RAB1A: variants seen among roughly 807,000 people sequenced by gnomAD.
RAB1A encodes RAB1A, member RAS oncogene family.
Under a neutral mutation model 26.0 loss-of-function variants are expected in RAB1A, and 2 were observed. The ratio of observed to expected loss-of-function variants is 0.08; its 90% CI spans 0.03 to 0.24. RAB1A has a LOEUF of 0.24. Among genes scored for constraint, RAB1A ranks in the 10% least tolerant of loss-of-function variants. The pLI, the probability that RAB1A is intolerant of heterozygous loss-of-function variation, is 1.00. For missense variants in RAB1A, 100 were observed against 247.0 expected (o/e 0.40, Z 3.99); for synonymous variants, 84 against 84.9 (o/e 0.99, Z 0.06).
intron 1 of RAB1A, among the ~76,000 whole-genome samples, chr2:65,127,980 C>A (rs185632817): frequency 7.6e-4 from 116 of 152,226 alleles, no homozygotes; most frequent in Middle Eastern, 6.8e-3. Context: ...GGGATCCGCC[C>A]GCCTCGGCCT....
At chr2:65,091,160 T>C (rs370147461) in intron 3 of RAB1A, 82 bp from the exon 4 acceptor site, 1 of 1,049,704 alleles carries the variant, frequency 9.5e-7, no homozygotes. Context: ...GGAAATAGTT[T>C]AGTTTTCATA....
intron 1 of RAB1A, among the ~76,000 whole-genome samples, chr2:65,128,383 C>A (rs1451264040): frequency 2.6e-5 from 4 of 151,998 alleles, no homozygotes; most frequent in Non-Finnish European, 4.4e-5. Flanking sequence ...TTATTGTTAC[C>A]AAGAAAACTA....
chr2:65,093,060 A>G (rs1189487134), intron 3 of RAB1A, among the ~76,000 whole-genome samples: 3 of 152,172 alleles, frequency 2.0e-5, no homozygotes, highest in African/African-American at 7.2e-5. Context: ...TTTTTTTAAT[A>G]AATCACCCAG....
intron 1 of RAB1A, among the ~76,000 whole-genome samples, chr2:65,123,144 T>C (rs183508153): frequency 4.0e-5 from 6 of 151,632 alleles, no homozygotes; most frequent in African/African-American, 9.7e-5. Flanking sequence ...AAGGTGAATA[T>C]AGCAGGATGT....
chr2:65,110,112 G>A (rs992178304), intron 1 of RAB1A, among the ~76,000 whole-genome samples: 3 of 152,082 alleles, frequency 2.0e-5, no homozygotes, highest in Non-Finnish European at 2.9e-5. Flanking sequence ...CAAAATATTA[G>A]GGGGAAAAAA....
At chr2:65,100,835 A>G (rs1013213683) in intron 2 of RAB1A, among the ~76,000 whole-genome samples, 5 of 151,114 alleles carry the variant, frequency 3.3e-5, no homozygotes, top group Non-Finnish European at 7.4e-5. Flanking sequence ...TCTATCCCCC[A>G]GGTACTTGGA....
chr2:65,100,933 C>T (rs1213640177), intron 2 of RAB1A, among the ~76,000 whole-genome samples: 1 of 151,394 alleles, frequency 6.6e-6, no homozygotes, highest in Non-Finnish European at 1.5e-5. Flanking sequence ...ATCACTTGAG[C>T]TCAGGAGTTG....
intron 1 of RAB1A, among the ~76,000 whole-genome samples, chr2:65,122,836 C>A (rs1028175453): frequency 6.6e-6 from 1 of 151,436 alleles, no homozygotes; most frequent in African/African-American, 2.4e-5. Flanking sequence ...CTGGGCCTGG[C>A]GGCGGGCACC....
intron 3 of RAB1A, among the ~76,000 whole-genome samples, chr2:65,097,126 CATCAGTTCCATGAAA>C (rs1669307355): frequency 6.6e-6 from 1 of 152,182 alleles, no homozygotes; most frequent in Admixed American, 6.5e-5. Context: ...TTCCATGTGT[CATCAGTTCCATGAAA>C]AGGGGCAGTC....
intron 1 of RAB1A, among the ~76,000 whole-genome samples, chr2:65,107,356 T>TGCC (rs1428525876): frequency 6.6e-6 from 1 of 152,102 alleles, no homozygotes; most frequent in Non-Finnish European, 1.5e-5. Context: ...TGAGCCACCG[T>TGCC]GCCTGGCCCC....
intron 2 of RAB1A, among the ~76,000 whole-genome samples, chr2:65,101,741 CCTTT>C (rs1558579515): frequency 1.5e-5 from 2 of 129,958 alleles, no homozygotes; most frequent in African/African-American, 6.3e-5. Context: ...TGTATTACTT[CCTTT>C]TTTTTTTTTT....
intron 1 of RAB1A, among the ~76,000 whole-genome samples, chr2:65,113,461 A>G (rs1357308937): frequency 6.6e-6 from 1 of 152,202 alleles, no homozygotes; most frequent in African/African-American, 2.4e-5. Flanking sequence ...AGCTAGGAAT[A>G]GAACCATTGC....
Position 65,130,104 on chromosome 2 carries a change from A to C in RAB1A, c.-189T>G. ...CCACTCAGCTATCGCTTCCACCCAA[A>C]ATGGCCGCCGGCGAACCAGGAAATA... is the stretch of plus-strand genomic sequence containing the variant. On this transcript the variant is annotated 5_prime_UTR_variant, in exon 1 of 6. The change creates a new upstream start codon in the 5' untranslated region. Transcript: ENST00000409784. The C allele has an allele frequency of 1.4e-6, 1 of 690,962 alleles. No homozygotes were observed. The highest frequency in any genetic ancestry group is 2.5e-6 in the Non-Finnish European group (1 of 397,598). The allele number at this position is 690,962 out of a possible 1,614,324, so 42.8% of individuals were successfully genotyped here. A position where few individuals can be genotyped will look rare whatever the true frequency, so the allele number is the denominator to read the frequency against.
chr2:65,125,386 TGAGAATAATCAC>T (rs1469156884), intron 1 of RAB1A, among the ~76,000 whole-genome samples: 2 of 151,480 alleles, frequency 1.3e-5, no homozygotes, highest in Admixed American at 6.6e-5. Flanking sequence ...AAAAATGTTA[TGAGAATAATCAC>T]GAGAATAATG....
rs1044047216 is a variant in RAB1A at position 65,099,582 on chromosome 2, C to T, written c.97-1516G>A. 3.3e-5 allele frequency among the ~76,000 whole-genome samples: 5 copies of T among 152,172 alleles called. No individual in the cohort carries two copies. The East Asian group carries it at 7.7e-4, about 23-fold the overall frequency. ...CTAGCCAATATGGTAGCCATTAGCC[C>T]TATGCAGCTTGTGAAACAAGAAACT... On this transcript the variant is annotated intron_variant, in intron 2 of 5. Transcript: ENST00000409784.
Position 65,129,894 on chromosome 2 carries a change from A to G in RAB1A, c.22T>C (p.Tyr8His). The G allele has an allele frequency of 6.3e-7, 1 of 1,596,424 alleles. No individual in the cohort carries two copies. The highest frequency in any genetic ancestry group is 8.5e-7 in the Non-Finnish European group (1 of 1,172,554). ...CGACCGGTGCTCTCCTGAACTCACT[A>G]TTCGGGATTCATGCTGGACATGTCA... MSSMNPE[Y>H]DYLFKLLLIG... is the part of the protein sequence containing the mutation. The change falls in exon 1 of 6, where the codon TAT becomes CAT. Residue 8 changes from tyrosine to histidine, a missense_variant and splice_region_variant. Transcript: ENST00000409784.
chr2:65,105,649 T>C (rs1333023492), intron 1 of RAB1A, among the ~76,000 whole-genome samples: 1 of 152,094 alleles, frequency 6.6e-6, no homozygotes, highest in East Asian at 1.9e-4. Context: ...ATATAACTTC[T>C]GAAAGCCCAT....
chr2:65,113,482 G>T (rs1433159801), intron 1 of RAB1A, among the ~76,000 whole-genome samples: 1 of 152,026 alleles, frequency 6.6e-6, no homozygotes, highest in African/African-American at 2.4e-5. Context: ...ACTCACTCTA[G>T]CCTAGGCAAC....
intron 1 of RAB1A, among the ~76,000 whole-genome samples, chr2:65,125,221 G>T (rs1346032172): frequency 1.3e-5 from 2 of 151,974 alleles, no homozygotes; most frequent in Admixed American, 6.6e-5. Context: ...AATTATAGTT[G>T]ATCTAAGTAG....
Sources: gnomAD v4.1 joint callset for allele counts (sites outside exome capture counted in the v4.1 genomes callset) on GRCh38, gnomAD v4.1.1 for gene constraint, MANE v1.5 for transcripts, NCBI Gene and HGNC (gene_info 2026-07-23, HGNC 2026-07-21) for gene names.